The following RIPPLY2 variants were observed in gnomAD, a reference collection of about 807,000 sequenced individuals.
RIPPLY2 encodes protein ripply2.
A neutral mutation model predicts 17.7 loss-of-function variants in RIPPLY2; 20 were observed. The ratio of observed to expected loss-of-function variants is 1.13; its 90% CI spans 0.79 to 1.64. RIPPLY2 has a LOEUF of 1.64. Among genes scored for constraint, RIPPLY2 ranks in the 40% most tolerant of loss-of-function variants. RIPPLY2 has a pLI of 0.00. For missense variants in RIPPLY2, 213 were observed against 169.8 expected (o/e 1.25, Z -1.41); for synonymous variants, 69 against 63.9 (o/e 1.08, Z -0.38).
chr6:83,853,357 T>C, upstream of RIPPLY2: 1 of 1,427,936 alleles, frequency 7.0e-7, no homozygotes, highest in Non-Finnish European at 9.5e-7. Flanking sequence ...TCGGACCTAC[T>C]GGAACTGGTC....
intron 1 of RIPPLY2, 64 bp downstream of exon 1, chr6:83,853,575 C>T (rs1242571851): frequency 2.5e-5 from 39 of 1,532,314 alleles, no homozygotes; most frequent in Non-Finnish European, 3.4e-5. Flanking sequence ...TGCGCCTCCC[C>T]AGCTCCTCCC....
At position 83,853,772 on chromosome 6, in the gene RIPPLY2, C is replaced by T. The variant is rs1453030762; in HGVS notation, c.173C>T (p.Ala58Val). The T allele has an allele frequency of 6.2e-7, 1 of 1,611,870 alleles. No homozygotes were observed. The highest frequency in any genetic ancestry group is 8.5e-7 in the Non-Finnish European group (1 of 1,179,322). Reference sequence around the variant, plus strand: ...GAGACGCCGAACCACGCCGCGGAGGCGGTGAGTGAGCCACGCGTCTCAGGC... The same window carrying T: ...GAGACGCCGAACCACGCCGCGGAGGTGGTGAGTGAGCCACGCGTCTCAGGC... ...EEETPNHAAE[A>V]MPDGPGMTAA... Residue 58 changes from alanine to valine, a missense_variant and splice_region_variant, in exon 2 of 4, where the codon GCG (alanine) becomes GTG (valine). Ala to Val is a moderately conservative substitution (Grantham distance 64). Transcript: ENST00000369689.
At chr6:83,857,067 G>A (rs1201837227) in intron 3 of RIPPLY2, 175 bp from the exon 4 acceptor site, 3 of 377,864 alleles carry the variant, frequency 7.9e-6, no homozygotes, top group Non-Finnish European at 1.4e-5. Flanking sequence ...TTGATACTTG[G>A]GCAGGTAGAT....
chr6:83,857,046 TCAAA>T (rs1055341469), intron 3 of RIPPLY2, 192 bp from the exon 4 acceptor site: 24 of 322,404 alleles, frequency 7.4e-5, no homozygotes, highest in Non-Finnish European at 1.2e-4. Context: ...TTTACAATAA[TCAAA>T]CAATTATTGA....
In RIPPLY2 at chr6:83,853,459, G is replaced by T; in HGVS notation, c.43G>T (p.Ala15Ser). Residue 15 changes from alanine to serine, a missense_variant, in exon 1 of 4, where the codon GCG becomes TCG. Ala to Ser is a moderately conservative substitution (Grantham distance 99). Transcript: ENST00000369689. ...CGCAGAGGGTACAGAGAGTGGAGCT[G>T]CGGCGTGCGCGGCCACCGACGGCCC... The part of the protein sequence containing the change: ...GGAEGTESGA[A>S]ACAATDGPTR... 2 of 1,542,234 alleles carry T rather than the reference G, an allele frequency of 1.3e-6. No homozygotes were observed. The highest frequency in any genetic ancestry group is 1.7e-6 in the Non-Finnish European group (2 of 1,146,074).
Position 83,854,180 on chromosome 6 carries a change from C to G in RIPPLY2, c.239+19C>G, listed in dbSNP as rs200814657. 3.1e-6 allele frequency: 5 copies of G among 1,608,082 alleles called. No individual in the cohort carries two copies. The Admixed American group carries it at 5.0e-5, about 16-fold the overall frequency. On this transcript the variant is annotated intron_variant, in intron 3 of 3. Transcript: ENST00000369689. ...CAGTCAGGTGAGTGACAGGCCTCGC[C>G]GAAGGTCTCCCGCTCCTCCAGCCCC...
At chr6:83,854,228 G>T in intron 3 of RIPPLY2, 67 bp downstream of exon 3, 2 of 1,286,020 alleles carry the variant, frequency 1.6e-6, no homozygotes. Flanking sequence ...GGGGCATCGC[G>T]CAGCCCAGCT....
At chr6:83,855,801 A>C (rs552390327) in intron 3 of RIPPLY2, 1 of 152,240 alleles carries the variant, frequency 6.6e-6, no homozygotes, top group Non-Finnish European at 1.5e-5. Context: ...GATGTTCTCA[A>C]TGAAAACCTG....
intron 1 of RIPPLY2, 42 bp downstream of exon 1, chr6:83,853,553 G>T (rs1054157075): frequency 1.0e-5 from 16 of 1,535,886 alleles, no homozygotes; most frequent in African/African-American, 2.8e-5. Flanking sequence ...AGCTTCCCCC[G>T]TCTCTCCCTC....
At chr6:83,853,592 C>A in intron 1 of RIPPLY2, 81 bp downstream of exon 1, 1 of 1,540,244 alleles carries the variant, frequency 6.5e-7, no homozygotes, top group Non-Finnish European at 8.7e-7. Flanking sequence ...TCCCCTCCAA[C>A]TCTCCATCCC....
chr6:83,854,260 C>A (rs2099454652), intron 3 of RIPPLY2, 99 bp downstream of exon 3: 5 of 884,810 alleles, frequency 5.7e-6, no homozygotes, highest in Non-Finnish European at 9.4e-6. Context: ...CCTGCAGTCT[C>A]TCTCTCTCTC....
intron 3 of RIPPLY2, chr6:83,856,294 G>A (rs1434515766): frequency 1.3e-5 from 2 of 152,118 alleles, no homozygotes; most frequent in East Asian, 3.8e-4. Flanking sequence ...ATTTTTGCTG[G>A]AAACATTTAT....
At chr6:83,855,189 T>C (rs975628123) in intron 3 of RIPPLY2, 26 of 152,156 alleles carry the variant, frequency 1.7e-4, no homozygotes, top group African/African-American at 5.8e-4. Context: ...TTTAGCAGGG[T>C]AATCAGAGGC....
In RIPPLY2 at chr6:83,857,222, A is replaced by G. The variant is rs781727454; in HGVS notation, c.240-20A>G. The G allele has an allele frequency of 3.5e-6, 5 of 1,444,488 alleles. No homozygotes were observed. The highest frequency in any genetic ancestry group is 4.6e-6 in the Non-Finnish European group (5 of 1,092,150). 89.5% of individuals were successfully genotyped at this position (1,444,488 alleles called of 1,614,324 possible). Reference sequence around the variant, plus strand: ...GATCCTGAATGTGAAAAAATAAAACATGTTGTCTGCTTCTTTCAGACTATT... The same window carrying G: ...GATCCTGAATGTGAAAAAATAAAACGTGTTGTCTGCTTCTTTCAGACTATT... On this transcript the variant is annotated intron_variant, in intron 3 of 3. Coordinates refer to ENST00000369689, the MANE Select transcript of RIPPLY2 (RefSeq NM_001009994.3).
chr6:83,854,074 G>A (rs777212781), intron 2 of RIPPLY2, 23 bp from the exon 3 acceptor site: 6 of 1,610,082 alleles, frequency 3.7e-6, no homozygotes, highest in Non-Finnish European at 5.1e-6. Flanking sequence ...GTGATAACTG[G>A]ATTCACTTCC....
intron 3 of RIPPLY2, chr6:83,856,759 CTG>C (rs1241724163): frequency 6.6e-6 from 1 of 152,000 alleles, no homozygotes; most frequent in Non-Finnish European, 1.5e-5. Context: ...AGAGTTAAAT[CTG>C]TGAGTTTTAA....
At chr6:83,856,847 A>T (rs2129125701) in intron 3 of RIPPLY2, 1 of 152,402 alleles carries the variant, frequency 6.6e-6, no homozygotes, top group East Asian at 1.9e-4. Context: ...GGCTATCATT[A>T]AAGTTTTTAA....
intron 2 of RIPPLY2, 133 bp from the exon 3 acceptor site, chr6:83,853,964 C>A: frequency 9.5e-7 from 1 of 1,057,366 alleles, no homozygotes; most frequent in Non-Finnish European, 1.4e-6. Flanking sequence ...GCCACAGGCA[C>A]CCAGCCGGGA....
At chr6:83,856,733 G>C (rs1364435732) in intron 3 of RIPPLY2, 1 of 152,042 alleles carries the variant, frequency 6.6e-6, no homozygotes, top group South Asian at 2.1e-4. Flanking sequence ...TTAAACTTAC[G>C]TTGTCTACTT....
Sources: gnomAD v4.1 joint callset for allele counts on GRCh38, gnomAD v4.1.1 for gene constraint, MANE v1.5 for transcripts, NCBI Gene and HGNC (gene_info 2026-07-23, HGNC 2026-07-21) for gene names.